The following RRAS2 variants were observed in gnomAD, a reference collection of about 807,000 sequenced individuals.
The protein encoded by RRAS2 is RAS related 2.
RRAS2 carries 7 observed loss-of-function variants against 27.6 expected under a neutral mutation model. The ratio of observed to expected loss-of-function variants is 0.25; its 90% CI spans 0.14 to 0.48. RRAS2 has a LOEUF of 0.48. Ranked by LOEUF, RRAS2 falls within the 20% of genes least tolerant of loss-of-function variation. The pLI, the probability that RRAS2 is intolerant of heterozygous loss-of-function variation, is 0.99. For synonymous variants in RRAS2, 86 were observed against 90.9 expected, an observed-to-expected ratio of 0.95 and a Z score of 0.31; for missense variants, 178 against 256.2, an observed-to-expected ratio of 0.69 and a Z score of 2.08.
At chr11:14,361,100 G>A (rs1394164789), upstream of RRAS2, among the ~76,000 whole-genome samples, 1 of 151,952 alleles carries the variant, frequency 6.6e-6, no homozygotes, top group Non-Finnish European at 1.5e-5. Context: ...GACCAGCCTG[G>A]CCAACATGCC....
intron 1 of RRAS2, among the ~76,000 whole-genome samples, chr11:14,329,026 TATAC>T (rs1317255441): frequency 8.0e-6 from 1 of 125,546 alleles, no homozygotes; most frequent in Non-Finnish European, 1.7e-5. Context: ...TATATATATA[TATAC>T]ACACACACAT....
intron 4 of RRAS2, among the ~76,000 whole-genome samples, chr11:14,288,797 A>T (rs940965467): frequency 9.9e-5 from 15 of 152,230 alleles, no homozygotes; most frequent in African/African-American, 3.6e-4. Context: ...ATTTCCAAAT[A>T]GAATAAACTA....
intron 4 of RRAS2, among the ~76,000 whole-genome samples, chr11:14,291,311 A>G (rs1307654988): frequency 2.6e-5 from 4 of 152,254 alleles, no homozygotes; most frequent in Admixed American, 2.6e-4. Flanking sequence ...AAAGGCCCAT[A>G]AAGATTAGTG....
intron 1 of RRAS2, among the ~76,000 whole-genome samples, chr11:14,338,018 T>A (rs1554952767): frequency 6.6e-6 from 1 of 152,136 alleles, no homozygotes; most frequent in East Asian, 1.9e-4. Flanking sequence ...TTCTATAGTA[T>A]GCTTGACAGT....
At position 14,348,615 on chromosome 11, in the gene RRAS2, T is replaced by C. The variant is rs1162002457; in HGVS notation, c.108+10148A>G. ...TGCCTTATTTATTTCAATGATTAAATTGCCCTATAGTCAGTCAATGGGAGT... is the reference window on the plus strand; with the variant it reads ...TGCCTTATTTATTTCAATGATTAAACTGCCCTATAGTCAGTCAATGGGAGT... On this transcript the variant is annotated intron_variant, in intron 1 of 5. Transcript: ENST00000256196. 3.3e-5 allele frequency among the ~76,000 whole-genome samples: 5 copies of C among 152,268 alleles called. 1 individual carries two copies. Among genetic ancestry groups the C allele is most frequent in the African/African-American group, 1.2e-4 (5 of 41,476 alleles).
chr11:14,307,976 A>G (rs1356652628), intron 1 of RRAS2, among the ~76,000 whole-genome samples: 1 of 152,228 alleles, frequency 6.6e-6, no homozygotes, highest in Non-Finnish European at 1.5e-5. Context: ...AATGTCTTTA[A>G]AAGACTGGAA....
At chr11:14,295,576 T>C (rs533748457) in intron 2 of RRAS2, among the ~76,000 whole-genome samples, 192 bp downstream of exon 2, 2 of 152,366 alleles carry the variant, frequency 1.3e-5, no homozygotes, top group African/African-American at 4.8e-5. Flanking sequence ...AATATCGTTT[T>C]ACTTTTCATT....
intron 1 of RRAS2, 56 bp from the exon 2 acceptor site, chr11:14,295,911 C>T: frequency 2.6e-6 from 4 of 1,509,802 alleles, no homozygotes; most frequent in South Asian, 1.1e-5. Context: ...TGGTAGCTCA[C>T]ACCTGTAATC....
At chr11:14,313,298 C>T (rs1296006786) in intron 1 of RRAS2, among the ~76,000 whole-genome samples, 3 of 152,184 alleles carry the variant, frequency 2.0e-5, no homozygotes, top group Non-Finnish European at 2.9e-5. Flanking sequence ...AAGAATGCCA[C>T]ATCAATTGTA....
chr11:14,282,345 G>C (rs1281453114), intron 4 of RRAS2, among the ~76,000 whole-genome samples: 1 of 152,190 alleles, frequency 6.6e-6, no homozygotes, highest in Non-Finnish European at 1.5e-5. Flanking sequence ...TCATCAATAT[G>C]TGGGGAGAAA....
Position 14,359,133 on chromosome 11 carries a change from T to A in RRAS2, c.-263A>T, listed in dbSNP as rs1554955936. On this transcript the variant is annotated 5_prime_UTR_variant, in exon 1 of 6. Coordinates refer to ENST00000256196, the MANE Select transcript of RRAS2 (RefSeq NM_012250.6). ...CGGGGGGCGCGCTCCTCTACGCGTC[T>A]CCGCAGCGCCTGCCGAACGCAGCCT... The A allele has an allele frequency of 1.9e-6, 2 of 1,027,536 alleles. No homozygotes were observed. Among genetic ancestry groups the A allele is most frequent in the African/African-American group, 3.4e-5 (2 of 58,198 alleles). 63.7% of individuals were successfully genotyped at this position (1,027,536 alleles called of 1,614,324 possible). A position where few individuals can be genotyped will look rare whatever the true frequency, so the allele number is the denominator to read the frequency against.
At chr11:14,295,933 G>A in intron 1 of RRAS2, 78 bp from the exon 2 acceptor site, 3 of 1,320,802 alleles carry the variant, frequency 2.3e-6, no homozygotes, top group Non-Finnish European at 3.2e-6. Flanking sequence ...TATGCTCTGG[G>A]AGGCCGAGGG....
Position 14,358,130 on chromosome 11 carries a change from G to T in RRAS2, c.108+633C>A. 1 of 750,322 alleles carries T rather than the reference G, an allele frequency of 1.3e-6. No individual in the cohort carries two copies. The highest frequency in any genetic ancestry group is 1.6e-6 in the Non-Finnish European group (1 of 615,240). The allele number at this position is 750,322 out of a possible 1,614,324, so 46.5% of individuals were successfully genotyped here. A position where few individuals can be genotyped will look rare whatever the true frequency, so the allele number is the denominator to read the frequency against. ...TAGGAAATGGTCTCACCCCATCAGA[G>T]AACATTTTTAACTTCCTAGAAGCCA... is the stretch of plus-strand genomic sequence containing the variant. On this transcript the variant is annotated intron_variant, in intron 1 of 5. Transcript: ENST00000256196. This position sits in a 1 kb window ranked among gnomAD's most constrained non-coding sequence, Gnocchi z 5.1.
At chr11:14,364,339 A>G in intron 1 of RRAS2, 1 of 1,525,554 alleles carries the variant, frequency 6.6e-7, no homozygotes, top group Non-Finnish European at 8.8e-7. Flanking sequence ...CAGAGCCAAG[A>G]CCTGTTGGCC....
At chr11:14,314,753 G>A (rs1554949295) in intron 1 of RRAS2, among the ~76,000 whole-genome samples, 1 of 152,124 alleles carries the variant, frequency 6.6e-6, no homozygotes, top group East Asian at 1.9e-4. Flanking sequence ...GCAGTGGTGC[G>A]ATCTCGGCTC....
At chr11:14,283,189 C>T (rs1849585363) in intron 4 of RRAS2, among the ~76,000 whole-genome samples, 1 of 152,266 alleles carries the variant, frequency 6.6e-6, no homozygotes, top group South Asian at 2.1e-4. Context: ...ATGATTTCTC[C>T]TTTTTAGACT....
At chr11:14,306,421 C>T (rs1554948074) in intron 1 of RRAS2, among the ~76,000 whole-genome samples, 2 of 152,174 alleles carry the variant, frequency 1.3e-5, no homozygotes, top group Non-Finnish European at 2.9e-5. Flanking sequence ...GCCATCTCAG[C>T]CTCCTGAGTA....
intron 1 of RRAS2, among the ~76,000 whole-genome samples, chr11:14,350,990 A>G (rs1848938714): frequency 6.6e-6 from 1 of 152,208 alleles, no homozygotes; most frequent in Admixed American, 6.5e-5. Flanking sequence ...AACCTTGTAC[A>G]TGTGTATTTT....
chr11:14,292,101 A>C (rs1320236334), intron 4 of RRAS2, among the ~76,000 whole-genome samples: 1 of 152,204 alleles, frequency 6.6e-6, no homozygotes, highest in African/African-American at 2.4e-5. Context: ...GGCTCTCAAA[A>C]AGTTTCAGAT....
Sources: gnomAD v4.1 joint callset for allele counts (sites outside exome capture counted in the v4.1 genomes callset) on GRCh38, gnomAD v4.1.1 for gene constraint, Gnocchi (gnomAD v3.1) non-coding constraint, MANE v1.5 for transcripts, NCBI Gene and HGNC (gene_info 2026-07-23, HGNC 2026-07-21) for gene names.